SORCS2: variants seen among roughly 807,000 people sequenced by gnomAD.
The protein encoded by SORCS2 is sortilin related VPS10 domain containing receptor 2.
Under a neutral mutation model 141.6 loss-of-function variants are expected in SORCS2, and 100 were observed. The observed-to-expected ratio is 0.71, with a 90% CI of 0.60 to 0.83. The LOEUF is 0.83. SORCS2 is among the 40% of genes least tolerant of loss of function. SORCS2 has a pLI of 0.00. For missense variants in SORCS2, 1,646 were observed against 1,560.2 expected (o/e 1.05, Z -0.93); for synonymous variants, 789 against 676.9 (o/e 1.17, Z -2.57).
intron 3 of SORCS2, among the ~76,000 whole-genome samples, chr4:7,589,678 G>A (rs1393464638): frequency 2.0e-5 from 3 of 152,214 alleles, no homozygotes; most frequent in Admixed American, 6.5e-5. Context: ...TGGGATTACA[G>A]GCGTGAGCCA....
At chr4:7,496,011 C>T (rs1731593676) in intron 2 of SORCS2, among the ~76,000 whole-genome samples, 1 of 152,226 alleles carries the variant, frequency 6.6e-6, no homozygotes, top group African/African-American at 2.4e-5. Context: ...GATGGGGAGG[C>T]CTGGTCACAG....
chr4:7,515,055 A>G (rs1161701265), intron 2 of SORCS2, among the ~76,000 whole-genome samples: 3 of 152,208 alleles, frequency 2.0e-5, no homozygotes, highest in Non-Finnish European at 2.9e-5. Context: ...CTCAGCTGCC[A>G]GAGGCCTTCT....
intron 1 of SORCS2, among the ~76,000 whole-genome samples, chr4:7,356,957 T>C (rs1721286561): frequency 6.6e-6 from 1 of 152,242 alleles, no homozygotes; most frequent in South Asian, 2.1e-4. Flanking sequence ...GCCAGACCTT[T>C]TATCTCCCCT....
intron 3 of SORCS2, among the ~76,000 whole-genome samples, chr4:7,599,521 C>T (rs1717515661): frequency 6.6e-6 from 1 of 152,212 alleles, no homozygotes. Flanking sequence ...AGGCCCCATG[C>T]CTGGATCACG....
intron 3 of SORCS2, among the ~76,000 whole-genome samples, chr4:7,555,877 A>G (rs1216265019): frequency 6.6e-6 from 1 of 152,236 alleles, no homozygotes; most frequent in African/African-American, 2.4e-5. Context: ...TGGCAGAGGC[A>G]GAGCCCCCAG....
chr4:7,273,238 T>C (rs531344934), intron 1 of SORCS2, among the ~76,000 whole-genome samples: 2 of 152,330 alleles, frequency 1.3e-5, no homozygotes, highest in African/African-American at 2.4e-5. Context: ...GGCAGTCTTA[T>C]CCCAATCAGG....
intron 1 of SORCS2, among the ~76,000 whole-genome samples, chr4:7,351,688 T>TC: frequency 7.4e-6 from 1 of 134,334 alleles, no homozygotes; most frequent in African/African-American, 2.7e-5. Flanking sequence ...CATCCGTCCA[T>TC]CCATCCATCC....
At chr4:7,352,599 G>A (rs1447503087) in intron 1 of SORCS2, among the ~76,000 whole-genome samples, 9 of 152,350 alleles carry the variant, frequency 5.9e-5, no homozygotes, top group East Asian at 3.9e-4. Flanking sequence ...CTCGAGCTGG[G>A]AGTGGAAGGC....
At chr4:7,272,179 A>G (rs1042373030) in intron 1 of SORCS2, among the ~76,000 whole-genome samples, 4 of 152,340 alleles carry the variant, frequency 2.6e-5, no homozygotes, top group Admixed American at 6.5e-5. Flanking sequence ...CATCCTCATT[A>G]CGATAAGATA....
At chr4:7,323,175 C>T (rs1719012857) in intron 1 of SORCS2, among the ~76,000 whole-genome samples, 1 of 152,092 alleles carries the variant, frequency 6.6e-6, no homozygotes, top group Non-Finnish European at 1.5e-5. Flanking sequence ...TTACACTTCA[C>T]TAAGATAACA....
intron 1 of SORCS2, among the ~76,000 whole-genome samples, chr4:7,283,200 G>A (rs1715999969): frequency 6.6e-6 from 1 of 152,228 alleles, no homozygotes; most frequent in South Asian, 2.1e-4. Context: ...TGTCCAGTGG[G>A]GGAGACAGAT....
At chr4:7,599,760 C>T (rs1259533590) in intron 3 of SORCS2, among the ~76,000 whole-genome samples, 5 of 151,388 alleles carry the variant, frequency 3.3e-5, no homozygotes, top group African/African-American at 7.3e-5. Flanking sequence ...GCTGGGTGTG[C>T]AGGGCGTGGG....
intron 2 of SORCS2, among the ~76,000 whole-genome samples, chr4:7,477,600 T>G (rs1730382420): frequency 6.6e-6 from 1 of 152,154 alleles, no homozygotes; most frequent in African/African-American, 2.4e-5. Flanking sequence ...CCCCTCTGCT[T>G]GTCTGACCCC....
intron 1 of SORCS2, among the ~76,000 whole-genome samples, chr4:7,226,630 C>G (rs1376313574): frequency 2.0e-5 from 3 of 152,170 alleles, no homozygotes; most frequent in Non-Finnish European, 4.4e-5. Context: ...GCCACTAATC[C>G]AGACCGCCAT....
intron 3 of SORCS2, among the ~76,000 whole-genome samples, chr4:7,634,446 A>T (rs1720106052): frequency 1.3e-5 from 2 of 152,132 alleles, no homozygotes; most frequent in Non-Finnish European, 2.9e-5. Context: ...CCCAGCTAAA[A>T]GGGCTCCCTG....
At chr4:7,245,727 G>A (rs1404828198) in intron 1 of SORCS2, among the ~76,000 whole-genome samples, 4 of 152,238 alleles carry the variant, frequency 2.6e-5, no homozygotes, top group Non-Finnish European at 5.9e-5. Flanking sequence ...AGCGCTTGGT[G>A]AGTGTAGAAC....
At chr4:7,623,894 G>C (rs1325481824) in intron 3 of SORCS2, among the ~76,000 whole-genome samples, 1 of 152,190 alleles carries the variant, frequency 6.6e-6, no homozygotes, top group Non-Finnish European at 1.5e-5. Flanking sequence ...AGCAGAGGAA[G>C]AGCAGCGCGC....
chr4:7,216,201 A>C (rs1017312681), intron 1 of SORCS2, among the ~76,000 whole-genome samples: 9 of 152,172 alleles, frequency 5.9e-5, no homozygotes, highest in Admixed American at 2.6e-4. Context: ...CTGCGGCTTC[A>C]TTCTTGAAGT....
chr4:7,586,028 T>C (rs1233579201), intron 3 of SORCS2, among the ~76,000 whole-genome samples: 2 of 152,240 alleles, frequency 1.3e-5, no homozygotes, highest in African/African-American at 4.8e-5. Context: ...GTTTGCCTCC[T>C]TTTCATGTTG....
Sources: allele counts gnomAD v4.1 joint callset (sites outside exome capture counted in the v4.1 genomes callset), GRCh38; gene constraint gnomAD v4.1.1; transcripts MANE v1.5; gene names NCBI Gene and HGNC (gene_info 2026-07-23, HGNC 2026-07-21).